The following ERMAP variants were observed in gnomAD, a reference collection of about 807,000 sequenced individuals.
ERMAP encodes erythroblast membrane associated protein (Scianna blood group).
ERMAP carries 34 observed loss-of-function variants against 49.5 expected under a neutral mutation model. That is an observed-to-expected ratio of 0.69 (90% confidence interval 0.52 to 0.91). The LOEUF (loss-of-function observed/expected upper bound fraction) is 0.91, where lower values mean the gene tolerates loss of function less well. Ranked by LOEUF, ERMAP falls within the 40% of genes least tolerant of loss-of-function variation. The pLI is 0.00. For missense variants in ERMAP, 541 were observed against 582.6 expected (o/e 0.93, Z 0.74); for synonymous variants, 214 against 232.2 (o/e 0.92, Z 0.71).
chr1:42,822,120 T>A (rs1249195241), intron 1 of ERMAP, among the ~76,000 whole-genome samples: 2 of 151,676 alleles, frequency 1.3e-5, no homozygotes, highest in Non-Finnish European at 2.9e-5. Flanking sequence ...GAAAAGCAAC[T>A]TTTTTGAAAC....
chr1:42,842,673 C>A lies in ERMAP; in HGVS notation c.869C>A (p.Thr290Asn). The A allele has an allele frequency of 6.2e-7, 1 of 1,614,206 alleles. No homozygotes were observed. The highest frequency in any genetic ancestry group is 1.1e-5 in the South Asian group (1 of 91,084). The change falls in exon 12 of 12, where the codon ACT (threonine) becomes AAT (asparagine). Residue 290 changes from threonine to asparagine, a missense_variant. Thr to Asn is a moderately conservative substitution (Grantham distance 65). Transcript: ENST00000372517. ...VSILGSEYFT[T>N]GCHYWEVYVG... ...ATCCTAGGCTCTGAGTACTTCACGACTGGCTGCCACTACTGGGAGGTGTAT... is the reference window on the plus strand; with the variant it reads ...ATCCTAGGCTCTGAGTACTTCACGAATGGCTGCCACTACTGGGAGGTGTAT...
chr1:42,825,720 G>A lies in ERMAP; in HGVS notation c.-24G>A, dbSNP rs1014810506. On this transcript the variant is annotated 5_prime_UTR_variant, in exon 2 of 12. Coordinates refer to ENST00000372517, the MANE Select transcript of ERMAP (RefSeq NM_001017922.2). ...AGCTTTGCCTGTGAGAGGAACAAGC[G>A]TCCCTGATCCAGAAGGTGGTGAGTC... The A allele has an allele frequency of 1.0e-5, 13 of 1,289,256 alleles. No homozygotes were observed. The highest frequency in any genetic ancestry group is 7.6e-5 in the African/African-American group (5 of 65,840). The allele number at this position is 1,289,256 out of a possible 1,614,324, so 79.9% of individuals were successfully genotyped here. A position where few individuals can be genotyped will look rare whatever the true frequency, so the allele number is the denominator to read the frequency against.
chr1:42,835,030 T>C lies in ERMAP; in HGVS notation c.434-8T>C, dbSNP rs1335567789. 8.5e-7 allele frequency: 1 copy of C among 1,181,990 alleles called. No homozygotes were observed. The highest frequency in any genetic ancestry group is 2.3e-5 in the East Asian group (1 of 42,932). The allele number at this position is 1,181,990 out of a possible 1,614,324, so 73.2% of individuals were successfully genotyped here. A position where few individuals can be genotyped will look rare whatever the true frequency, so the allele number is the denominator to read the frequency against. Reference sequence around the variant, plus strand: ...CCTGAGGTCAGTCGTTGGTGGTTTCTGTTTCAGCCCCATCTGTGGGGAGTC... The same window carrying C: ...CCTGAGGTCAGTCGTTGGTGGTTTCCGTTTCAGCCCCATCTGTGGGGAGTC... On this transcript the variant is annotated splice_region_variant and splice_polypyrimidine_tract_variant and intron_variant, in intron 4 of 11. Coordinates refer to ENST00000372517, the MANE Select transcript of ERMAP (RefSeq NM_001017922.2).
chr1:42,831,677 G>A (rs894365876), intron 4 of ERMAP, among the ~76,000 whole-genome samples: 11 of 149,060 alleles, frequency 7.4e-5, no homozygotes, highest in Non-Finnish European at 1.3e-4. Context: ...TTGACCACCT[G>A]GGCTCAAGTA....
At chr1:42,832,377 T>C (rs1195828839) in intron 4 of ERMAP, among the ~76,000 whole-genome samples, 1 of 151,360 alleles carries the variant, frequency 6.6e-6, no homozygotes, top group Non-Finnish European at 1.5e-5. Context: ...TCTTTTTTCT[T>C]TTTTTTGGAG....
In ERMAP at chr1:42,842,953, C is replaced by T; in HGVS notation, c.1149C>T (p.Phe383=). 1.2e-6 allele frequency: 2 copies of T among 1,614,236 alleles called. No homozygotes were observed. Among genetic ancestry groups the T allele is most frequent in the Non-Finnish European group, 1.7e-6 (2 of 1,180,046 alleles). ...CCAACAAGTCCCACATCTTTACTTTCACCCACAATTTCTCTGGCCCCCTTC... is the reference window on the plus strand; with the variant it reads ...CCAACAAGTCCCACATCTTTACTTTTACCCACAATTTCTCTGGCCCCCTTC... ...NVTNKSHIFT[F]THNFSGPLRP... Residue 383 remains phenylalanine (F), a synonymous_variant, in exon 12 of 12, where the codon TTC becomes TTT. Coordinates refer to ENST00000372517, the MANE Select transcript of ERMAP (RefSeq NM_001017922.2).
chr1:42,840,807 G>A (rs533562311), intron 11 of ERMAP, among the ~76,000 whole-genome samples: 8 of 151,830 alleles, frequency 5.3e-5, no homozygotes, highest in African/African-American at 1.9e-4. Context: ...TTCAGGTTTG[G>A]GAAGTCCTTC....
Position 42,844,826 on chromosome 1 carries a change from G to A in ERMAP, c.*1594G>A, listed in dbSNP as rs1655167738. Reference sequence around the variant, plus strand: ...TACTGATTTGAATGTTAATGTCATTGAGAAACACCCTCACAGGAACACTCA... The same window carrying A: ...TACTGATTTGAATGTTAATGTCATTAAGAAACACCCTCACAGGAACACTCA... On this transcript the variant is annotated 3_prime_UTR_variant, in exon 12 of 12. Transcript: ENST00000372517. The surrounding 1 kb of genome is among the most constrained non-coding windows in gnomAD (Gnocchi z 4.0). The A allele has an allele frequency of 6.6e-6, 1 of 152,196 alleles. No homozygotes were observed. The highest frequency in any genetic ancestry group is 6.5e-5 in the Admixed American group (1 of 15,270). The allele number at this position is 152,196 out of a possible 1,614,324, so 9.4% of individuals were successfully genotyped here. A position where few individuals can be genotyped will look rare whatever the true frequency, so the allele number is the denominator to read the frequency against.
rs560333580 is a variant in ERMAP, at chr1:42,819,049, G to A, written c.-122+1796G>A. ...AAAAACAAACCAGCTATAGGGAATG[G>A]AGGAGTGGAAAAGCCACATGGAAGA... On this transcript the variant is annotated intron_variant, in intron 1 of 11. Transcript: ENST00000372517. This position sits in a 1 kb window ranked among gnomAD's most constrained non-coding sequence, Gnocchi z 5.1. 3.9e-5 allele frequency among the ~76,000 whole-genome samples: 6 copies of A among 152,260 alleles called. No individual in the cohort carries two copies. The highest frequency in any genetic ancestry group is 1.4e-4 in the African/African-American group (6 of 41,534).
At chr1:42,837,513 T>C (rs1654936622) in intron 7 of ERMAP, among the ~76,000 whole-genome samples, 1 of 152,132 alleles carries the variant, frequency 6.6e-6, no homozygotes, top group Non-Finnish European at 1.5e-5. Context: ...ATGGGATATA[T>C]GGGAATTTCA....
Position 42,843,627 on chromosome 1 carries a change from T to C in ERMAP, c.*395T>C. 5.3e-6 allele frequency: 1 copy of C among 187,980 alleles called. No individual in the cohort carries two copies. The highest frequency in any genetic ancestry group is 1.1e-5 in the Non-Finnish European group (1 of 92,860). The allele number at this position is 187,980 out of a possible 1,614,324, so 11.6% of individuals were successfully genotyped here. On this transcript the variant is annotated 3_prime_UTR_variant, in exon 12 of 12. Transcript: ENST00000372517. Reference sequence around the variant, plus strand: ...GAAGTTATGGCCCCCAGTCCCTGACTTCTTACTTATCCCATTGAGGACTGC... The same window carrying C: ...GAAGTTATGGCCCCCAGTCCCTGACCTCTTACTTATCCCATTGAGGACTGC...
intron 7 of ERMAP, chr1:42,837,817 G>A (rs1419049143): frequency 1.3e-5 from 2 of 152,390 alleles, no homozygotes; most frequent in African/African-American, 2.4e-5. Context: ...AGTCTATCTG[G>A]GAAGACAAGT....
Position 42,835,724 on chromosome 1 carries a change from C to T in ERMAP, c.551-8C>T. ...TAAGCTGAGCTGGCATTTCTCTCTCCCTTTTAGAAAAGCTTCTCTATGAAC... is the reference window on the plus strand; with the variant it reads ...TAAGCTGAGCTGGCATTTCTCTCTCTCTTTTAGAAAAGCTTCTCTATGAAC... On this transcript the variant is annotated splice_region_variant and splice_polypyrimidine_tract_variant and intron_variant, in intron 5 of 11. Coordinates refer to ENST00000372517, the MANE Select transcript of ERMAP (RefSeq NM_001017922.2). The T allele has an allele frequency of 6.2e-7, 1 of 1,611,252 alleles. No individual in the cohort carries two copies.
In ERMAP at chr1:42,843,097, T is replaced by C. The variant is rs745596105; in HGVS notation, c.1293T>C (p.His431=). Residue 431 remains histidine (H), a synonymous_variant, in exon 12 of 12, where the codon CAT becomes CAC. Transcript: ENST00000372517. ...TCCCCAGGCCAGAAGGGAAAGGCCA[T>C]GCTAATGGAGATGTGTCCCTCAAGG... is the stretch of plus-strand genomic sequence containing the variant. The part of the protein sequence containing the change: ...SIVPRPEGKG[H]ANGDVSLKVN... 3 of 1,614,220 alleles carry C rather than the reference T, an allele frequency of 1.9e-6. No homozygotes were observed. Among genetic ancestry groups the C allele is most frequent in the South Asian group, 2.2e-5 (2 of 91,090 alleles).
intron 2 of ERMAP, among the ~76,000 whole-genome samples, chr1:42,828,494 A>C (rs551617785): frequency 8.5e-4 from 128 of 150,920 alleles, no homozygotes; most frequent in Admixed American, 2.1e-3. Flanking sequence ...CTTTTTTTAA[A>C]AAAATTTTTT....
chr1:42,836,708 T>C (rs1654909754), intron 6 of ERMAP, among the ~76,000 whole-genome samples: 1 of 151,764 alleles, frequency 6.6e-6, no homozygotes, highest in Admixed American at 6.6e-5. Flanking sequence ...ATACAAAAAT[T>C]AGTGGAGCAT....
chr1:42,825,940 TATTTA>T (rs1202807422), intron 2 of ERMAP: 1 of 498,420 alleles, frequency 2.0e-6, no homozygotes, highest in East Asian at 7.1e-5. Flanking sequence ...GAAGTACTCT[TATTTA>T]AGTAGTATTG....
At chr1:42,838,876 T>G in intron 7 of ERMAP, 25 bp from the exon 8 acceptor site, 2 of 1,614,094 alleles carry the variant, frequency 1.2e-6, no homozygotes, top group Non-Finnish European at 1.7e-6. Context: ...GATCACTCAC[T>G]CTTCTCTCTC....
At chr1:42,825,421 C>T in intron 1 of ERMAP, 1 of 1,075,480 alleles carries the variant, frequency 9.3e-7, no homozygotes. Context: ...GGCAAACGTG[C>T]CTCCTACCCG....
Sources: gnomAD v4.1 joint callset for allele counts (sites outside exome capture counted in the v4.1 genomes callset) on GRCh38, gnomAD v4.1.1 for gene constraint, Gnocchi (gnomAD v3.1) non-coding constraint, MANE v1.5 for transcripts, NCBI Gene and HGNC (gene_info 2026-07-23, HGNC 2026-07-21) for gene names.